INSL6: variants seen among roughly 807,000 people sequenced by gnomAD.
INSL6 encodes the protein insulin like 6.
Under a neutral mutation model 9.4 loss-of-function variants are expected in INSL6, and 16 were observed. The observed-to-expected ratio is 1.70, with a 90% CI of 1.15 to 2.59. INSL6 has a LOEUF of 2.59. Among genes scored for constraint, INSL6 ranks in the 30% most tolerant of loss-of-function variants. The pLI is 0.00. For missense variants in INSL6, 391 were observed against 257.3 expected (o/e 1.52, Z -3.56); for synonymous variants, 154 against 96.9 (o/e 1.59, Z -3.46).
the INSL6 span, among the ~76,000 whole-genome samples, chr9:5,080,950 C>T: frequency 7.7e-6 from 1 of 130,550 alleles, no homozygotes; most frequent in Non-Finnish European, 1.5e-5. Flanking sequence ...GGCTGGAGTG[C>T]AGTGGCGCGA....
chr9:5,125,986 TTC>T lies in INSL6; in HGVS notation c.*11-1477_*11-1476del, dbSNP rs375850267. 2.1e-3 allele frequency: 333 copies of T among 161,806 alleles called. 1 individual carries two copies. Among genetic ancestry groups the T allele is most frequent in the African/African-American group, 7.2e-3 (304 of 41,950 alleles). The allele number at this position is 161,806 out of a possible 1,614,324, so 10.0% of individuals were successfully genotyped here. A position where few individuals can be genotyped will look rare whatever the true frequency, so the allele number is the denominator to read the frequency against. ...GCTTATTCATTCATTTTTTCTTATA[TTC>T]TCTTTTATATTCAACTTTTTATTTC... On this transcript the variant is annotated intron_variant, in intron 3 of 3. Coordinates refer to the INSL6 transcript ENST00000649639.
At chr9:5,000,172 G>C in the INSL6 span, among the ~76,000 whole-genome samples, 1 of 150,682 alleles carries the variant, frequency 6.6e-6, no homozygotes, top group Non-Finnish European at 1.5e-5. Flanking sequence ...TTAAAGTTTT[G>C]ATTATAGTGT....
At chr9:5,159,578 G>A (rs1447669220), downstream of INSL6, among the ~76,000 whole-genome samples, 6 of 151,850 alleles carry the variant, frequency 4.0e-5, no homozygotes, top group Admixed American at 3.9e-4. Flanking sequence ...ATATTAAAGG[G>A]GTCAATTCAG....
chr9:5,086,192 C>T, the INSL6 span: 1 of 529,174 alleles, frequency 1.9e-6, no homozygotes, highest in South Asian at 5.2e-5. Context: ...GCAACAGCCG[C>T]GCCGCCCCCG....
the INSL6 span, among the ~76,000 whole-genome samples, chr9:5,084,637 T>C: frequency 6.6e-6 from 1 of 152,214 alleles, no homozygotes; most frequent in African/African-American, 2.4e-5. Context: ...GAGTGTTTTT[T>C]GCTTTCTTCC....
intron 1 of INSL6, among the ~76,000 whole-genome samples, chr9:5,175,709 A>G (rs1232445068): frequency 2.6e-5 from 4 of 152,022 alleles, no homozygotes; most frequent in Non-Finnish European, 5.9e-5. Context: ...TTCTTATAGG[A>G]GTGTGAACCC....
the INSL6 span, among the ~76,000 whole-genome samples, chr9:5,049,094 C>CT: frequency 1.3e-5 from 2 of 152,046 alleles, no homozygotes; most frequent in African/African-American, 4.8e-5. Context: ...AGTTATCAGC[C>CT]TTTTTTCAGA....
chr9:5,080,276 C>G, the INSL6 span: 1 of 1,613,520 alleles, frequency 6.2e-7, no homozygotes, highest in Non-Finnish European at 8.5e-7. Context: ...CATTGAAAAT[C>G]CTAAAAATTT....
At chr9:5,000,856 G>C in the INSL6 span, among the ~76,000 whole-genome samples, 3 of 152,144 alleles carry the variant, frequency 2.0e-5, no homozygotes, top group Admixed American at 6.5e-5. Flanking sequence ...ACTTGATAAC[G>C]TATTGGTTGG....
At chr9:5,016,263 C>T in the INSL6 span, among the ~76,000 whole-genome samples, 2 of 152,276 alleles carry the variant, frequency 1.3e-5, no homozygotes, top group South Asian at 2.1e-4. Flanking sequence ...GGATCTGCAT[C>T]GTATCAGATA....
At chr9:5,023,246 G>GA in the INSL6 span, among the ~76,000 whole-genome samples, 2 of 152,146 alleles carry the variant, frequency 1.3e-5, no homozygotes, top group Non-Finnish European at 2.9e-5. Flanking sequence ...ATATGAATGA[G>GA]AACTTGTTAT....
At chr9:5,147,381 T>C (rs1318081112) in intron 2 of INSL6, among the ~76,000 whole-genome samples, 1 of 152,156 alleles carries the variant, frequency 6.6e-6, no homozygotes, top group African/African-American at 2.4e-5. Context: ...TGCTCCTTTG[T>C]TATTCCAAGG....
the INSL6 span, among the ~76,000 whole-genome samples, chr9:5,060,960 T>A: frequency 6.6e-6 from 1 of 152,222 alleles, no homozygotes; most frequent in African/African-American, 2.4e-5. Context: ...GAAAATAACA[T>A]GAATATCCTT....
chr9:5,172,388 A>T (rs1359554654), intron 1 of INSL6, among the ~76,000 whole-genome samples: 1 of 152,236 alleles, frequency 6.6e-6, no homozygotes, highest in Admixed American at 6.5e-5. Context: ...GCTATTCACA[A>T]CATAGGTATG....
the INSL6 span, chr9:5,086,023 T>G: frequency 1.3e-6 from 1 of 794,796 alleles, no homozygotes; most frequent in Admixed American, 1.7e-5. Context: ...CTATATACAT[T>G]TGGACAGGCA....
the INSL6 span, among the ~76,000 whole-genome samples, chr9:5,032,046 G>A: frequency 1.3e-5 from 2 of 152,134 alleles, no homozygotes; most frequent in East Asian, 3.9e-4. Flanking sequence ...CTGGAAAATC[G>A]GGTCACTCCC....
rs764449120 is a variant in INSL6 at position 5,185,355 on chromosome 9, G to A, written c.248C>T (p.Pro83Leu). The change falls in exon 1 of 2, where the codon CCG becomes CTG. Residue 83 changes from proline (P) to leucine (L), a missense_variant. Pro to Leu is a moderately conservative substitution (Grantham distance 98). Coordinates refer to ENST00000381641, the MANE Select transcript of INSL6 (RefSeq NM_007179.3). ...TCCCCGGGCCGGGGAAGCGGTTTGC[G>A]GGCTTTCGAACTGGTATGGGCTGTA... The part of the protein sequence containing the change: ...EAYSPYQFES[P>L]QTASPARGRG... 16 of 1,613,952 alleles carry A rather than the reference G, an allele frequency of 9.9e-6. No individual in the cohort carries two copies. Among genetic ancestry groups the A allele is most frequent in the African/African-American group, 9.3e-5 (7 of 74,880 alleles).
the INSL6 span, chr9:5,097,742 C>T: frequency 5.9e-5 from 9 of 152,146 alleles, no homozygotes; most frequent in Non-Finnish European, 5.9e-5. Flanking sequence ...CTAGCTAATT[C>T]ATCACTAGAT....
chr9:5,130,729 T>A (rs1564032872), intron 3 of INSL6, among the ~76,000 whole-genome samples: 1 of 150,238 alleles, frequency 6.7e-6, no homozygotes, highest in Non-Finnish European at 1.5e-5. Flanking sequence ...ATTTTTTATT[T>A]TTTTTTTTAT....
Sources: allele counts gnomAD v4.1 joint callset (sites outside exome capture counted in the v4.1 genomes callset), GRCh38; gene constraint gnomAD v4.1.1; transcripts MANE v1.5; gene names NCBI Gene and HGNC (gene_info 2026-07-23, HGNC 2026-07-21).